The following CWH43 variants were observed in gnomAD, a reference collection of about 807,000 sequenced individuals.
The protein encoded by CWH43 is PGAP2-interacting protein.
A neutral mutation model predicts 85.7 loss-of-function variants in CWH43; 91 were observed. That is an observed-to-expected ratio of 1.06 (90% CI 0.90 to 1.26). The LOEUF is 1.26. Ranked by LOEUF, CWH43 falls within the 50% of genes most tolerant of loss-of-function variation. CWH43 has a pLI of 0.00. For missense variants in CWH43, 869 were observed against 839.2 expected (o/e 1.04, Z -0.44); for synonymous variants, 323 against 293.6 (o/e 1.10, Z -1.02).
At chr4:49,050,358 CT>C (rs916287632) in intron 14 of CWH43, among the ~76,000 whole-genome samples, 12 of 152,144 alleles carry the variant, frequency 7.9e-5, no homozygotes, top group African/African-American at 2.7e-4. Flanking sequence ...GTGAACACCC[CT>C]GTCATTCTGA....
At chr4:49,042,023 T>C (rs1323164360) in intron 13 of CWH43, among the ~76,000 whole-genome samples, 1 of 152,226 alleles carries the variant, frequency 6.6e-6, no homozygotes, top group African/African-American at 2.4e-5. Context: ...TGAGTTAGTC[T>C]CTGCATTTTT....
At chr4:49,051,139 C>T (rs1347945641) in intron 15 of CWH43, among the ~76,000 whole-genome samples, 1 of 152,108 alleles carries the variant, frequency 6.6e-6, no homozygotes, top group Non-Finnish European at 1.5e-5. Flanking sequence ...TCCACGATAG[C>T]TAGTATTTGA....
chr4:49,039,521 T>C (rs1356397541), intron 13 of CWH43, among the ~76,000 whole-genome samples: 1 of 148,746 alleles, frequency 6.7e-6, no homozygotes, highest in Non-Finnish European at 1.5e-5. Flanking sequence ...TATGCAGATG[T>C]CTTGGTCCCT....
chr4:49,046,150 G>A (rs1204235310), intron 14 of CWH43, among the ~76,000 whole-genome samples: 5 of 151,948 alleles, frequency 3.3e-5, no homozygotes, highest in Non-Finnish European at 7.4e-5. Flanking sequence ...ATGCATTCTT[G>A]TTGTTAAGTG....
intron 5 of CWH43, 49 bp from the exon 6 acceptor site, chr4:48,998,411 A>G: frequency 2.2e-6 from 3 of 1,358,668 alleles, no homozygotes; most frequent in Non-Finnish European, 3.2e-6. Flanking sequence ...ATTCGGGATG[A>G]TGAAATATTA....
Position 48,986,483 on chromosome 4 carries a change from G to A in CWH43, c.43+11G>A. 1 of 1,552,930 alleles carries A rather than the reference G, an allele frequency of 6.4e-7. No individual in the cohort carries two copies. The highest frequency in any genetic ancestry group is 2.4e-5 in the East Asian group (1 of 41,426). On this transcript the variant is annotated intron_variant, in intron 1 of 15. Coordinates refer to ENST00000226432, the MANE Select transcript of CWH43 (RefSeq NM_025087.3). ...TGGAGTCGCTGCTGGGTAAGCCGAA[G>A]CCCCTCGCCGCGAGTTCGCGGGTGC...
chr4:49,009,473 C>T (rs1414858864), intron 8 of CWH43, among the ~76,000 whole-genome samples: 2 of 152,158 alleles, frequency 1.3e-5, no homozygotes, highest in African/African-American at 4.8e-5. Context: ...TTATTCCCTT[C>T]TCCTGCCTGA....
intron 15 of CWH43, among the ~76,000 whole-genome samples, chr4:49,052,998 A>C (rs771818243): frequency 6.6e-6 from 1 of 152,098 alleles, no homozygotes; most frequent in Admixed American, 6.6e-5. Context: ...CCATGAGTTC[A>C]ATTTTTTCAG....
Position 48,986,442 on chromosome 4 carries a change from T to C in CWH43, c.13T>C (p.Trp5Arg). 1 of 1,549,886 alleles carries C rather than the reference T, an allele frequency of 6.5e-7. No individual in the cohort carries two copies. The highest frequency in any genetic ancestry group is 8.7e-7 in the Non-Finnish European group (1 of 1,143,860). The part of the protein sequence containing the change: MPSL[W>R]REILLESLLG... Reference sequence around the variant, plus strand: ...CCTCGCCGCGGCGATGCCCTCGCTGTGGAGAGAAATCCTCTTGGAGTCGCT... The same window carrying C: ...CCTCGCCGCGGCGATGCCCTCGCTGCGGAGAGAAATCCTCTTGGAGTCGCT... Residue 5 changes from tryptophan (W) to arginine (R), a missense_variant, in exon 1 of 16, where the codon TGG (tryptophan) becomes CGG (arginine). Physicochemically the swap from Trp to Arg is moderately radical, Grantham distance 101 (BLOSUM62 -3). Around this residue, in one of 3 missense-constraint regions of CWH43, gnomAD observed 140 missense variants for 122.6 expected, o/e 1.14. Coordinates refer to ENST00000226432, the MANE Select transcript of CWH43 (RefSeq NM_025087.3).
chr4:49,056,941 A>G (rs1784983592), intron 15 of CWH43, among the ~76,000 whole-genome samples: 1 of 152,184 alleles, frequency 6.6e-6, no homozygotes, highest in East Asian at 1.9e-4. Context: ...TTTAATTTCT[A>G]CATATTTGTG....
At chr4:49,002,915 A>G (rs1451624532) in intron 6 of CWH43, among the ~76,000 whole-genome samples, 1 of 152,206 alleles carries the variant, frequency 6.6e-6, no homozygotes, top group Non-Finnish European at 1.5e-5. Flanking sequence ...AGCCTGCTCT[A>G]GCTACCCTTG....
In CWH43 at chr4:49,061,617, G is replaced by T. The variant is rs560458096; in HGVS notation, c.2022-195G>T. Among the ~76,000 whole-genome samples, 299 of 152,180 alleles carry T rather than the reference G, an allele frequency of 2.0e-3. 1 individual carries two copies. The highest frequency in any genetic ancestry group is 6.8e-3 in the African/African-American group (284 of 41,540). ...TAGCCAATAATTCTTAAACAGATGTGCTTTTGGAATTATCCATAACCATGG... is the reference window on the plus strand; with the variant it reads ...TAGCCAATAATTCTTAAACAGATGTTCTTTTGGAATTATCCATAACCATGG... On this transcript the variant is annotated intron_variant, in intron 15 of 15. Coordinates refer to ENST00000226432, the MANE Select transcript of CWH43 (RefSeq NM_025087.3).
intron 13 of CWH43, among the ~76,000 whole-genome samples, chr4:49,038,783 G>A (rs957789789): frequency 4.6e-5 from 7 of 152,134 alleles, no homozygotes; most frequent in African/African-American, 1.7e-4. Context: ...ATGGGGCTGG[G>A]TGCGGTGGCT....
Position 49,003,956 on chromosome 4 carries a change from G to A in CWH43, c.1024G>A (p.Gly342Ser). Residue 342 changes from glycine to serine, a missense_variant, in exon 7 of 16, where the codon GGT (glycine) becomes AGT (serine). Physicochemically the swap from Gly to Ser is moderately conservative, Grantham distance 56. Transcript: ENST00000226432. Reference protein sequence around the residue: ...WCTAFKFVPGGVYARERSDVL... With the variant: ...WCTAFKFVPGSVYARERSDVL... ...CACAGCTTTTAAGTTTGTCCCAGGA[G>A]GTGTCTACGCTAGAGAAAGATCAGA... 6.2e-7 allele frequency: 1 copy of A among 1,613,172 alleles called. No homozygotes were observed. Among genetic ancestry groups the A allele is most frequent in the Non-Finnish European group, 8.5e-7 (1 of 1,179,802 alleles).
intron 5 of CWH43, among the ~76,000 whole-genome samples, chr4:48,995,439 C>CTTG (rs1782782945): frequency 6.6e-6 from 1 of 152,210 alleles, no homozygotes; most frequent in Non-Finnish European, 1.5e-5. Context: ...GTAACTGGCT[C>CTTG]CATCTCTTCT....
chr4:49,046,343 T>A (rs542924020), intron 14 of CWH43, among the ~76,000 whole-genome samples: 1 of 151,806 alleles, frequency 6.6e-6, no homozygotes, highest in South Asian at 2.1e-4. Context: ...CATTCATTTA[T>A]CCAATAAGTG....
chr4:49,002,189 C>T (rs1783011795), intron 6 of CWH43, among the ~76,000 whole-genome samples: 1 of 151,940 alleles, frequency 6.6e-6, no homozygotes. Flanking sequence ...AGTTGTGTTG[C>T]TAGGAATCTG....
intron 14 of CWH43, among the ~76,000 whole-genome samples, chr4:49,046,709 T>A (rs772761465): frequency 2.6e-5 from 4 of 151,926 alleles, no homozygotes; most frequent in South Asian, 4.2e-4. Flanking sequence ...GAGAGGAGGA[T>A]GCTGGATGTT....
chr4:49,039,931 T>A (rs1784404881), intron 13 of CWH43, among the ~76,000 whole-genome samples: 1 of 152,018 alleles, frequency 6.6e-6, no homozygotes, highest in Admixed American at 6.6e-5. Flanking sequence ...GAGTGTGATG[T>A]TCCCCTTCCT....
Sources: gnomAD v4.1 joint callset for allele counts (sites outside exome capture counted in the v4.1 genomes callset) on GRCh38, gnomAD v4.1.1 for gene constraint, gnomAD v4.1.1 regional missense constraint, MANE v1.5 for transcripts, NCBI Gene and HGNC (gene_info 2026-07-23, HGNC 2026-07-21) for gene names.